Variants in PEAK1 observed in about 807,000 individuals in gnomAD.
PEAK1 encodes the protein inactive tyrosine-protein kinase PEAK1.
In PEAK1, 54 loss-of-function variants were observed where a neutral mutation model predicts 124.7. That is an observed-to-expected ratio of 0.43 (90% CI 0.35 to 0.54). The LOEUF (loss-of-function observed/expected upper bound fraction) is 0.54, where lower values mean the gene tolerates loss of function less well. Among genes scored for constraint, PEAK1 ranks in the 20% least tolerant of loss-of-function variants. The pLI is 0.01. For missense variants in PEAK1, 2,046 were observed against 2,134.5 expected (o/e 0.96, Z 0.82); for synonymous variants, 719 against 760.0 (o/e 0.95, Z 0.89).
chr15:77,363,196 T>C (rs957658551), intron 2 of PEAK1, among the ~76,000 whole-genome samples: 8 of 152,184 alleles, frequency 5.3e-5, no homozygotes, highest in Admixed American at 3.3e-4. Flanking sequence ...AGTCTTTACC[T>C]GGCAGGCTTC....
At chr15:77,337,674 A>C (rs2066285322) in intron 2 of PEAK1, 1 of 985,366 alleles carries the variant, frequency 1.0e-6, no homozygotes, top group South Asian at 4.7e-5. Flanking sequence ...TATGCAAAAA[A>C]TTAACCCGGA....
chr15:77,214,525 G>A (rs1475037233), intron 6 of PEAK1, among the ~76,000 whole-genome samples: 1 of 151,390 alleles, frequency 6.6e-6, no homozygotes, highest in Non-Finnish European at 1.5e-5. Context: ...TCGGGAGGCT[G>A]AGGCAGGAGA....
chr15:77,262,276 A>G (rs565308575), intron 5 of PEAK1, among the ~76,000 whole-genome samples: 1 of 152,306 alleles, frequency 6.6e-6, no homozygotes, highest in African/African-American at 2.4e-5. Flanking sequence ...CTTTAAATGT[A>G]AATGGGCTAA....
At chr15:77,392,777 CA>C (rs2070583474) in intron 1 of PEAK1, among the ~76,000 whole-genome samples, 1 of 152,124 alleles carries the variant, frequency 6.6e-6, no homozygotes, top group African/African-American at 2.4e-5. Context: ...GCAGGAACAC[CA>C]AATTGAACAA....
chr15:77,352,364 A>G (rs1382527930), intron 2 of PEAK1: 5 of 984,910 alleles, frequency 5.1e-6, no homozygotes, highest in Non-Finnish European at 6.0e-6. Flanking sequence ...TCTACCTGAA[A>G]CCCCAGAACT....
At chr15:77,408,112 T>G (rs62007285) in intron 1 of PEAK1, among the ~76,000 whole-genome samples, 1 of 148,142 alleles carries the variant, frequency 6.8e-6, no homozygotes, top group African/African-American at 2.5e-5. Context: ...TATACATATA[T>G]ACACATATAT....
intron 8 of PEAK1, among the ~76,000 whole-genome samples, chr15:77,134,683 T>G (rs527458945): frequency 2.0e-5 from 3 of 152,166 alleles, no homozygotes; most frequent in Non-Finnish European, 1.5e-5. Flanking sequence ...AAAATATACA[T>G]GAAACTTCTA....
chr15:77,321,671 A>T (rs1475905829), intron 2 of PEAK1, among the ~76,000 whole-genome samples: 1 of 152,066 alleles, frequency 6.6e-6, no homozygotes, highest in African/African-American at 2.4e-5. Context: ...TTAGATCCCA[A>T]TTGTCAATTT....
intron 1 of PEAK1, among the ~76,000 whole-genome samples, chr15:77,380,184 GCC>G (rs1423083821): frequency 6.6e-6 from 1 of 151,978 alleles, no homozygotes; most frequent in Non-Finnish European, 1.5e-5. Flanking sequence ...ATCAATACTG[GCC>G]TGGGAGCTAG....
chr15:77,290,484 C>T (rs2063157137), intron 2 of PEAK1, among the ~76,000 whole-genome samples: 1 of 152,086 alleles, frequency 6.6e-6, no homozygotes, highest in Non-Finnish European at 1.5e-5. Flanking sequence ...AATTCCTGAC[C>T]TCAAGTGATA....
intron 2 of PEAK1, 35 bp downstream of exon 2, chr15:77,365,128 T>A: frequency 1.3e-6 from 1 of 755,736 alleles, no homozygotes; most frequent in East Asian, 1.3e-4. Context: ...ATAAAATATA[T>A]ATTAAAAGGC....
In PEAK1 at chr15:77,352,995, TA is replaced by T. The variant is rs2067297672; in HGVS notation, c.-603+12167del. 4.1e-6 allele frequency: 4 copies of T among 985,020 alleles called. No individual in the cohort carries two copies. In the Admixed American group the frequency reaches 2.5e-4, roughly 61 times the overall value. The allele number at this position is 985,020 out of a possible 1,614,324, so 61.0% of individuals were successfully genotyped here. ...ACCCTCACATTAAATACTCAGTGAG[TA>T]AAACACTCTGGCAAGCATCTGTTGG... On this transcript the variant is annotated intron_variant, in intron 2 of 9. Coordinates refer to ENST00000682557, the MANE Select transcript of PEAK1 (RefSeq NM_001385026.1).
At chr15:77,253,239 A>G in intron 5 of PEAK1, among the ~76,000 whole-genome samples, 1 of 78,322 alleles carries the variant, frequency 1.3e-5, no homozygotes, top group Non-Finnish European at 3.7e-5. Flanking sequence ...GAATTTTGGT[A>G]TGCGTTGGGG....
At position 77,175,185 on chromosome 15, in the gene PEAK1, G is replaced by A. The variant is rs1384722586; in HGVS notation, c.3137+3605C>T. ...CCCAGGCATTACCATTCAGGACATA[G>A]GCATGGGCAAGGACTTCATGTCTAA... On this transcript the variant is annotated intron_variant, in intron 7 of 9. Coordinates refer to ENST00000682557, the MANE Select transcript of PEAK1 (RefSeq NM_001385026.1). Among the ~76,000 whole-genome samples, 4 of 152,104 alleles carry A rather than the reference G, an allele frequency of 2.6e-5. No homozygotes were observed. In the East Asian group the frequency reaches 7.7e-4, roughly 29 times the overall value.
chr15:77,390,422 T>C (rs1263492150), intron 1 of PEAK1, among the ~76,000 whole-genome samples: 4 of 152,242 alleles, frequency 2.6e-5, no homozygotes, highest in African/African-American at 9.6e-5. Flanking sequence ...ACCTGCTTTC[T>C]ACCTGACACA....
At chr15:77,355,025 C>G (rs1016303216) in intron 2 of PEAK1, among the ~76,000 whole-genome samples, 1 of 150,450 alleles carries the variant, frequency 6.6e-6, no homozygotes, top group Non-Finnish European at 1.5e-5. Context: ...GGCGACAGAG[C>G]GAGACTCCAT....
At chr15:77,347,625 A>T (rs72742502) in intron 2 of PEAK1, 23,053 of 984,474 alleles carry the variant, frequency 0.023, 302 homozygotes, top group Non-Finnish European at 0.027. Context: ...CAGAGACTTT[A>T]AAAAAATTTT....
intron 6 of PEAK1, among the ~76,000 whole-genome samples, chr15:77,238,574 A>G (rs2060223815): frequency 6.6e-6 from 1 of 152,116 alleles, no homozygotes; most frequent in Non-Finnish European, 1.5e-5. Context: ...TTCTTCAAAT[A>G]TTTTGTGATT....
At chr15:77,325,407 CAATAAATAAATA>C (rs140910763) in intron 2 of PEAK1, among the ~76,000 whole-genome samples, 1,700 of 144,214 alleles carry the variant, frequency 0.012, 19 homozygotes, top group African/African-American at 0.026. Flanking sequence ...GATCCCATCT[CAATAAATAAATA>C]AATAAATAAA....
Sources: gnomAD v4.1 joint callset for allele counts (sites outside exome capture counted in the v4.1 genomes callset) on GRCh38, gnomAD v4.1.1 for gene constraint, MANE v1.5 for transcripts, NCBI Gene and HGNC (gene_info 2026-07-23, HGNC 2026-07-21) for gene names.